Variants in XKR9 observed in about 807,000 individuals in gnomAD.
XKR9 encodes the protein XK related 9, also known as XK-related protein 9.
In XKR9, 32 loss-of-function variants were observed where a neutral mutation model predicts 32.0. That is an observed-to-expected ratio of 1.00 (90% CI 0.76 to 1.34). The LOEUF is 1.34. XKR9 is among the 40% of genes most tolerant of loss of function. The pLI, the probability that XKR9 is intolerant of heterozygous loss-of-function variation, is 0.00. For synonymous variants in XKR9, 168 were observed against 143.4 expected (o/e 1.17, Z -1.22); for missense variants, 546 against 429.7 (o/e 1.27, Z -2.39).
At chr8:70,797,470 C>G in the XKR9 span, among the ~76,000 whole-genome samples, 1 of 152,102 alleles carries the variant, frequency 6.6e-6, no homozygotes, top group Non-Finnish European at 1.5e-5. Flanking sequence ...ATTCCTTCTT[C>G]TTCAACTCTT....
chr8:70,738,205 T>TA (rs1271784023), downstream of XKR9, among the ~76,000 whole-genome samples: 11 of 135,392 alleles, frequency 8.1e-5, no homozygotes, highest in East Asian at 2.1e-3. Flanking sequence ...TGGGAGGGTG[T>TA]ATGTGTCAAG....
chr8:70,860,299 C>T, the XKR9 span, among the ~76,000 whole-genome samples: 3 of 151,984 alleles, frequency 2.0e-5, no homozygotes, highest in Non-Finnish European at 4.4e-5. Context: ...TTATAAGAAG[C>T]CAGTGAGCTA....
chr8:70,800,638 A>C, the XKR9 span, among the ~76,000 whole-genome samples: 1 of 152,036 alleles, frequency 6.6e-6, no homozygotes, highest in African/African-American at 2.4e-5. Context: ...GCCAACTGTC[A>C]CCACGCCCAG....
chr8:70,695,575 CATT>C (rs1437530449), intron 3 of XKR9, among the ~76,000 whole-genome samples: 1 of 151,740 alleles, frequency 6.6e-6, no homozygotes, highest in Non-Finnish European at 1.5e-5. Flanking sequence ...TCCAGTCTAT[CATT>C]GTTGGACATC....
chr8:70,991,107 A>G, the XKR9 span, among the ~76,000 whole-genome samples: 1 of 152,076 alleles, frequency 6.6e-6, no homozygotes, highest in Admixed American at 6.5e-5. Flanking sequence ...GACAGTCAGC[A>G]GTTTGGGGAA....
chr8:70,882,084 C>T, the XKR9 span, among the ~76,000 whole-genome samples: 14 of 151,428 alleles, frequency 9.2e-5, no homozygotes, highest in East Asian at 3.9e-4. Flanking sequence ...GGACACAGGG[C>T]GGGGAACATC....
chr8:70,734,058 G>A lies in XKR9; in HGVS notation c.756G>A (p.Gln252=), dbSNP rs1169947863. The A allele has an allele frequency of 2.5e-6, 4 of 1,613,154 alleles. No individual in the cohort carries two copies. The highest frequency in any genetic ancestry group is 1.7e-6 in the Non-Finnish European group (2 of 1,179,484). The stretch of plus-strand genomic sequence containing the variant: ...TATGGGCATTTAAAAACAACACCCA[G>A]TTTTGTACTTGTATAAGTATGGAAT... ...GIIWAFKNNT[Q]FCTCISMEFL... is the part of the protein sequence containing the mutation. The change falls in exon 5 of 5, where the codon CAG becomes CAA. Residue 252 remains glutamine (Q), a synonymous_variant. Transcript: ENST00000408926.
At chr8:70,863,723 G>A in the XKR9 span, among the ~76,000 whole-genome samples, 3 of 152,286 alleles carry the variant, frequency 2.0e-5, no homozygotes, top group South Asian at 2.1e-4. Context: ...GATGATAGAA[G>A]CATGTACCAG....
the XKR9 span, among the ~76,000 whole-genome samples, chr8:70,890,056 A>T: frequency 6.6e-6 from 1 of 151,682 alleles, no homozygotes; most frequent in South Asian, 2.1e-4. Context: ...TCAGCATTGA[A>T]TTTTTTTCTG....
At chr8:71,002,641 T>C in the XKR9 span, among the ~76,000 whole-genome samples, 2 of 152,292 alleles carry the variant, frequency 1.3e-5, no homozygotes, top group East Asian at 3.9e-4. Flanking sequence ...CCTTTAAATA[T>C]GCCATTCGGT....
the XKR9 span, among the ~76,000 whole-genome samples, chr8:70,923,992 T>C: frequency 6.6e-6 from 1 of 152,206 alleles, no homozygotes; most frequent in African/African-American, 2.4e-5. Flanking sequence ...GTGGTAATGT[T>C]GGTGAACTGG....
intron 2 of XKR9, among the ~76,000 whole-genome samples, chr8:70,679,961 A>T (rs1312809146): frequency 6.6e-6 from 1 of 152,044 alleles, no homozygotes; most frequent in East Asian, 1.9e-4. Context: ...TTTTTATTTT[A>T]AAAAATTATA....
chr8:71,001,095 CT>C, the XKR9 span, among the ~76,000 whole-genome samples: 8 of 152,152 alleles, frequency 5.3e-5, no homozygotes, highest in Non-Finnish European at 4.4e-5. Context: ...TGATCACAAA[CT>C]TTATGGATAG....
At chr8:70,901,127 A>C in the XKR9 span, among the ~76,000 whole-genome samples, 1 of 152,308 alleles carries the variant, frequency 6.6e-6, no homozygotes, top group Admixed American at 6.5e-5. Context: ...ATACGTGTGC[A>C]TGTGTCTTTA....
At chr8:70,848,711 A>C in the XKR9 span, among the ~76,000 whole-genome samples, 1 of 150,836 alleles carries the variant, frequency 6.6e-6, no homozygotes, top group Non-Finnish European at 1.5e-5. Context: ...GCAAAGACAC[A>C]TGTAGGCTCA....
At chr8:70,938,820 G>A in the XKR9 span, among the ~76,000 whole-genome samples, 1 of 152,008 alleles carries the variant, frequency 6.6e-6, no homozygotes, top group Admixed American at 6.6e-5. Flanking sequence ...CAGCAAACAA[G>A]AGCCTTTCTC....
At chr8:70,804,606 C>T in the XKR9 span, among the ~76,000 whole-genome samples, 54 of 152,212 alleles carry the variant, frequency 3.5e-4, no homozygotes, top group Middle Eastern at 3.4e-3. Flanking sequence ...GGTAAGTGTG[C>T]TTTTCATGGA....
At chr8:70,841,532 C>T in the XKR9 span, among the ~76,000 whole-genome samples, 1 of 152,176 alleles carries the variant, frequency 6.6e-6, no homozygotes, top group Non-Finnish European at 1.5e-5. Flanking sequence ...TCATTGATGT[C>T]CCTTATAGCA....
the XKR9 span, among the ~76,000 whole-genome samples, chr8:70,893,137 T>C: frequency 4.6e-5 from 7 of 152,198 alleles, no homozygotes; most frequent in Non-Finnish European, 8.8e-5. Context: ...TCGTATTTTT[T>C]CATTGTACTT....
Sources: allele counts gnomAD v4.1 joint callset (sites outside exome capture counted in the v4.1 genomes callset), GRCh38; gene constraint gnomAD v4.1.1; transcripts MANE v1.5; gene names NCBI Gene and HGNC (gene_info 2026-07-23, HGNC 2026-07-21).